Variants in RIDA observed in about 807,000 individuals in gnomAD.
RIDA encodes the protein 2-iminobutanoate/2-iminopropanoate deaminase.
A neutral mutation model predicts 17.8 loss-of-function variants in RIDA; 17 were observed. The observed-to-expected ratio is 0.96, with a 90% CI of 0.65 to 1.43. The LOEUF is 1.43. Ranked by LOEUF, RIDA falls within the 40% of genes most tolerant of loss-of-function variation. The probability of loss-of-function intolerance (pLI) is 0.00; values close to 1 mark genes in which losing one functional copy is unlikely to be tolerated. For missense variants in RIDA, 158 were observed against 161.7 expected (o/e 0.98, Z 0.12); for synonymous variants, 48 against 55.7 (o/e 0.86, Z 0.62).
At chr8:98,111,812 G>C (rs1815731802) in intron 1 of RIDA, among the ~76,000 whole-genome samples, 1 of 151,408 alleles carries the variant, frequency 6.6e-6, no homozygotes, top group Admixed American at 6.6e-5. Context: ...TTTTGAATAG[G>C]AGTTCATATG....
chr8:98,105,045 G>C (rs1815613426), intron 4 of RIDA, among the ~76,000 whole-genome samples: 1 of 136,230 alleles, frequency 7.3e-6, no homozygotes, highest in African/African-American at 2.8e-5. Context: ...CTCACTATCA[G>C]ATTTGTTTGA....
intron 1 of RIDA, among the ~76,000 whole-genome samples, chr8:98,116,461 T>G (rs1022686221): frequency 6.6e-6 from 1 of 152,222 alleles, no homozygotes; most frequent in African/African-American, 2.4e-5. Context: ...CATAAAGGAC[T>G]GCATGTTTTA....
intron 2 of RIDA, among the ~76,000 whole-genome samples, chr8:98,107,638 C>T (rs1815649659): frequency 6.6e-6 from 1 of 152,172 alleles, no homozygotes; most frequent in Admixed American, 6.5e-5. Flanking sequence ...TGCTCTGTGT[C>T]CCAGGCAGGA....
chr8:98,106,688 C>T (rs1258979633), intron 2 of RIDA: 1 of 163,398 alleles, frequency 6.1e-6, no homozygotes, highest in Non-Finnish European at 1.3e-5. Flanking sequence ...TCTTTTAAAG[C>T]AATATTTGAC....
At chr8:98,114,593 C>T (rs1815776101) in intron 1 of RIDA, among the ~76,000 whole-genome samples, 1 of 152,054 alleles carries the variant, frequency 6.6e-6, no homozygotes, top group African/African-American at 2.4e-5. Context: ...CTCGGCCTCC[C>T]AAAGTGCTGG....
chr8:98,110,086 TAGAAA>T (rs1242592393), intron 1 of RIDA, among the ~76,000 whole-genome samples: 1 of 152,294 alleles, frequency 6.6e-6, no homozygotes, highest in African/African-American at 2.4e-5. Context: ...AATGAAACCT[TAGAAA>T]AGAAAATAGC....
intron 1 of RIDA, among the ~76,000 whole-genome samples, chr8:98,115,826 A>G (rs1338024357): frequency 7.2e-5 from 11 of 152,160 alleles, no homozygotes; most frequent in Admixed American, 2.6e-4. Context: ...ATTGTTTTCT[A>G]TTTAGTGTAC....
intron 2 of RIDA, among the ~76,000 whole-genome samples, chr8:98,107,037 C>G (rs1329178593): frequency 6.6e-6 from 1 of 152,182 alleles, no homozygotes; most frequent in Non-Finnish European, 1.5e-5. Context: ...CTTCTAGGTA[C>G]AGTCAATGCT....
intron 1 of RIDA, among the ~76,000 whole-genome samples, chr8:98,112,094 A>G (rs1157622470): frequency 6.6e-6 from 1 of 151,254 alleles, no homozygotes; most frequent in East Asian, 1.9e-4. Context: ...GTGCTTCCTC[A>G]TTTTTTTTAA....
chr8:98,105,877 A>T, intron 4 of RIDA, 61 bp downstream of exon 4: 2 of 998,412 alleles, frequency 2.0e-6, no homozygotes, highest in Non-Finnish European at 3.2e-6. Flanking sequence ...CACATTCATT[A>T]ATGTGACCAG....
At chr8:98,106,091 A>G (rs906551764) in intron 3 of RIDA, 85 bp from the exon 4 acceptor site, 2 of 1,156,714 alleles carry the variant, frequency 1.7e-6, no homozygotes, top group Non-Finnish European at 2.6e-6. Context: ...TGAATCTGAG[A>G]CTGTCTTGAT....
chr8:98,102,855 G>A lies in RIDA; in HGVS notation c.401C>T (p.Thr134Met), dbSNP rs766048375. 3.0e-5 allele frequency: 48 copies of A among 1,611,970 alleles called. No individual in the cohort carries two copies. Among genetic ancestry groups the A allele is most frequent in the African/African-American group, 2.1e-4 (16 of 74,860 alleles). Residue 134 changes from threonine to methionine, a missense_variant, in exon 6 of 6, where the codon ACG becomes ATG. Transcript: ENST00000254878. ...EAVAIQGPLT[T>M]ASL ...CACTGGGCCCACTTATAGTGATGCC[G>A]TTGTCAGTGGTCCTTGGATAGCTAC...
chr8:98,115,418 G>T (rs62522161), intron 1 of RIDA, among the ~76,000 whole-genome samples: 1 of 142,832 alleles, frequency 7.0e-6, no homozygotes, highest in Admixed American at 7.0e-5. Flanking sequence ...AAAAAAAAGG[G>T]ATAGTGCCCA....
rs530766207 is a variant in RIDA at position 98,113,503 on chromosome 8, G to C, written c.65+3529C>G. The C allele has an allele frequency of 2.6e-5, 4 of 152,302 alleles. No homozygotes were observed. The East Asian group carries it at 5.8e-4, about 22-fold the overall frequency. The allele number at this position is 152,302 out of a possible 1,614,324, so 9.4% of individuals were successfully genotyped here. A position where few individuals can be genotyped will look rare whatever the true frequency, so the allele number is the denominator to read the frequency against. ...CCATTTCTAGTCACCTAGTGCACAA[G>C]AGGCACAATGTCCTGGAAGTCTCCA... On this transcript the variant is annotated intron_variant, in intron 1 of 5. Transcript: ENST00000254878.
At chr8:98,105,120 CAAAAAAA>C (rs11354936) in intron 4 of RIDA, among the ~76,000 whole-genome samples, 9 of 88,058 alleles carry the variant, frequency 1.0e-4, no homozygotes, top group Admixed American at 4.0e-4. Flanking sequence ...AGCTTTCTGG[CAAAAAAA>C]AAAAAAAAAA....
chr8:98,112,209 C>CACACACAA (rs1815738686), intron 1 of RIDA, among the ~76,000 whole-genome samples: 1 of 151,794 alleles, frequency 6.6e-6, no homozygotes, highest in Non-Finnish European at 1.5e-5. Flanking sequence ...CACACACACA[C>CACACACAA]ACACACACAC....
At chr8:98,115,477 C>T (rs144451529) in intron 1 of RIDA, among the ~76,000 whole-genome samples, 13 of 150,796 alleles carry the variant, frequency 8.6e-5, no homozygotes, top group Admixed American at 2.0e-4. Context: ...GACTCTACCC[C>T]GTTTGATTAC....
At position 98,117,141 on chromosome 8, in the gene RIDA, A is replaced by T. The variant is rs199848393; in HGVS notation, c.-45T>A. The T allele has an allele frequency of 1.3e-6, 2 of 1,574,436 alleles. No homozygotes were observed. Among genetic ancestry groups the T allele is most frequent in the Non-Finnish European group, 1.7e-6 (2 of 1,143,754 alleles). ...CAGCCCCTTCAGGAGAAGAAGCCCC[A>T]GCACCAGCCCTGCTGGCTTCTTACT... On this transcript the variant is annotated 5_prime_UTR_variant, in exon 1 of 6. Coordinates refer to ENST00000254878, the MANE Select transcript of RIDA (RefSeq NM_005836.3).
chr8:98,109,279 G>A (rs1815684273), intron 1 of RIDA, among the ~76,000 whole-genome samples: 1 of 151,926 alleles, frequency 6.6e-6, no homozygotes, highest in South Asian at 2.1e-4. Context: ...ACCTAATAAA[G>A]TACCTATATC....
Sources: allele counts gnomAD v4.1 joint callset (sites outside exome capture counted in the v4.1 genomes callset), GRCh38; gene constraint gnomAD v4.1.1; transcripts MANE v1.5; gene names NCBI Gene and HGNC (gene_info 2026-07-23, HGNC 2026-07-21).